Variants in PDZRN3 observed in about 807,000 individuals in gnomAD.
PDZRN3 encodes the protein PDZ domain containing ring finger 3, also known as E3 ubiquitin-protein ligase PDZRN3.
Under a neutral mutation model 85.7 loss-of-function variants are expected in PDZRN3, and 38 were observed. The ratio of observed to expected loss-of-function variants is 0.44; its 90% CI spans 0.34 to 0.58. The LOEUF (loss-of-function observed/expected upper bound fraction) is 0.58. PDZRN3 is among the 20% of genes least tolerant of loss of function. The pLI, the probability that PDZRN3 is intolerant of heterozygous loss-of-function variation, is 0.01. For missense variants in PDZRN3, 1,629 were observed against 1,506.4 expected (o/e 1.08, Z -1.35); for synonymous variants, 759 against 638.0 (o/e 1.19, Z -2.86).
chr3:73,393,604 A>C (rs1353096252), intron 5 of PDZRN3, among the ~76,000 whole-genome samples: 1 of 152,200 alleles, frequency 6.6e-6, no homozygotes, highest in African/African-American at 2.4e-5. Flanking sequence ...AAAAGTAAAC[A>C]AACCAGCCAA....
intron 3 of PDZRN3, among the ~76,000 whole-genome samples, chr3:73,577,361 T>G (rs1008690113): frequency 6.6e-6 from 1 of 152,166 alleles, no homozygotes; most frequent in African/African-American, 2.4e-5. Context: ...GAGACGCAGA[T>G]GTTTGTGATG....
At chr3:73,503,335 G>A (rs900001063) in intron 3 of PDZRN3, among the ~76,000 whole-genome samples, 3 of 152,094 alleles carry the variant, frequency 2.0e-5, no homozygotes, top group South Asian at 2.1e-4. Flanking sequence ...TAAATCTGAC[G>A]TAAGTTCCAT....
intron 3 of PDZRN3, chr3:73,569,557 C>G (rs1042403097): frequency 4.2e-5 from 44 of 1,053,234 alleles, no homozygotes; most frequent in Non-Finnish European, 4.6e-5. Context: ...CTCCCACCCC[C>G]ACACCCGCAC....
intron 3 of PDZRN3, among the ~76,000 whole-genome samples, chr3:73,587,317 T>C (rs1216693258): frequency 6.6e-6 from 1 of 152,210 alleles, no homozygotes; most frequent in African/African-American, 2.4e-5. Flanking sequence ...CTTACATTTG[T>C]GAGTGCTGCA....
chr3:73,605,712 T>A (rs975279787), intron 2 of PDZRN3, among the ~76,000 whole-genome samples: 1 of 152,210 alleles, frequency 6.6e-6, no homozygotes, highest in South Asian at 2.1e-4. Flanking sequence ...CCTGCCAGAT[T>A]TTCCAGGCAA....
intron 3 of PDZRN3, among the ~76,000 whole-genome samples, chr3:73,483,982 G>A (rs1189424486): frequency 2.6e-5 from 4 of 152,108 alleles, no homozygotes; most frequent in Non-Finnish European, 4.4e-5. Context: ...ATGCTTGAAC[G>A]TATTATAAAA....
At chr3:73,475,278 C>T (rs1253646273) in intron 3 of PDZRN3, among the ~76,000 whole-genome samples, 10 of 152,162 alleles carry the variant, frequency 6.6e-5, no homozygotes, top group Admixed American at 6.5e-4. Flanking sequence ...TTCCAAAAGC[C>T]TCACAGATAT....
intron 3 of PDZRN3, chr3:73,569,488 C>T (rs1702011874): frequency 5.5e-6 from 6 of 1,083,862 alleles, no homozygotes; most frequent in African/African-American, 1.7e-5. Context: ...GCACAGAATG[C>T]CTTTCTCCTC....
chr3:73,430,213 G>C lies in PDZRN3; in HGVS notation c.919-25818C>G, dbSNP rs1030816523. Among the ~76,000 whole-genome samples the C allele has an allele frequency of 9.2e-5, 14 of 152,150 alleles. No individual in the cohort carries two copies. The East Asian group carries it at 2.3e-3, about 25-fold the overall frequency. ...TTCATGCTTGTGTACAGATCTGATG[G>C]GAAAGTGCACAGCTGACACTCAGCA... On this transcript the variant is annotated intron_variant, in intron 3 of 9. Coordinates refer to ENST00000263666, the MANE Select transcript of PDZRN3 (RefSeq NM_015009.3).
At chr3:73,621,649 A>T (rs1405938417) in intron 1 of PDZRN3, 1 of 152,196 alleles carries the variant, frequency 6.6e-6, no homozygotes, top group Non-Finnish European at 1.5e-5. Flanking sequence ...CTAAGGCCTC[A>T]GCTGAGGCCA....
chr3:73,506,775 T>C (rs1704075893), intron 3 of PDZRN3, among the ~76,000 whole-genome samples: 1 of 152,062 alleles, frequency 6.6e-6, no homozygotes, highest in African/African-American at 2.4e-5. Flanking sequence ...GCACGGTGGC[T>C]CATGCCTGTA....
At chr3:73,461,290 T>C (rs1327799743) in intron 3 of PDZRN3, among the ~76,000 whole-genome samples, 1 of 152,232 alleles carries the variant, frequency 6.6e-6, no homozygotes, top group Non-Finnish European at 1.5e-5. Flanking sequence ...ATGTATATGT[T>C]TTTATTTTTA....
chr3:73,450,457 C>G (rs1436887369), intron 3 of PDZRN3, among the ~76,000 whole-genome samples: 4 of 152,208 alleles, frequency 2.6e-5, no homozygotes, highest in Non-Finnish European at 5.9e-5. Flanking sequence ...CTGATCAGTG[C>G]AGCCAATAGA....
chr3:73,544,716 C>T (rs984713936), intron 3 of PDZRN3, among the ~76,000 whole-genome samples: 1 of 151,142 alleles, frequency 6.6e-6, no homozygotes, highest in Non-Finnish European at 1.5e-5. Flanking sequence ...ACTGAAAAGA[C>T]TGAGCTGATG....
In PDZRN3 at chr3:73,514,639, C is replaced by T. The variant is rs556004976; in HGVS notation, c.918+87715G>A. Among the ~76,000 whole-genome samples, 10 of 152,296 alleles carry T rather than the reference C, an allele frequency of 6.6e-5. No homozygotes were observed. The South Asian group carries it at 1.0e-3, about 16-fold the overall frequency. On this transcript the variant is annotated intron_variant, in intron 3 of 9. Coordinates refer to ENST00000263666, the MANE Select transcript of PDZRN3 (RefSeq NM_015009.3). ...CACTTCTCATCAGGCACCTAGCCAA[C>T]GGTTGAGGGCTGATCTTCTGACTTG...
chr3:73,573,829 A>ATATACATATACATACACATACACC (rs1559744569), intron 3 of PDZRN3, among the ~76,000 whole-genome samples: 38 of 62,660 alleles, frequency 6.1e-4, no homozygotes, highest in African/African-American at 2.5e-3. Context: ...ATACATATAC[A>ATATACATATACATACACATACACC]TATACATATA....
chr3:73,383,483 T>C lies in PDZRN3; in HGVS notation c.3083A>G (p.Lys1028Arg), dbSNP rs569951618. The C allele has an allele frequency of 1.4e-5, 23 of 1,614,176 alleles. 1 individual carries two copies. The South Asian group carries it at 2.3e-4, about 16-fold the overall frequency. The change falls in exon 10 of 10, where the codon AAG becomes AGG. Residue 1028 changes from lysine to arginine, a missense_variant. By Grantham distance (26) the Lys-to-Arg change is conservative. Coordinates refer to ENST00000263666, the MANE Select transcript of PDZRN3 (RefSeq NM_015009.3). ...GTTATCGAAGATTTTCTTATTCCTC[T>C]TCTTCATCATCTTTTTGTGGCTCAG... is the stretch of plus-strand genomic sequence containing the variant. ...LELSHKKMMK[K>R]RNKKIFDNWM...
intron 3 of PDZRN3, among the ~76,000 whole-genome samples, chr3:73,546,088 G>A (rs6803267): frequency 6.6e-6 from 1 of 151,974 alleles, no homozygotes; most frequent in South Asian, 2.1e-4. Flanking sequence ...TACTGTGTCC[G>A]CAGTATACAG....
At chr3:73,434,079 G>T in intron 3 of PDZRN3, 1 of 421,994 alleles carries the variant, frequency 2.4e-6, no homozygotes, top group Non-Finnish European at 3.2e-6. Context: ...AACAGACAAT[G>T]ATACAGAAGC....
Sources: allele counts gnomAD v4.1 joint callset (sites outside exome capture counted in the v4.1 genomes callset), GRCh38; gene constraint gnomAD v4.1.1; transcripts MANE v1.5; gene names NCBI Gene and HGNC (gene_info 2026-07-23, HGNC 2026-07-21).